IL17RD: variants seen among roughly 807,000 people sequenced by gnomAD.
IL17RD encodes the protein interleukin 17 receptor D.
IL17RD carries 52 observed loss-of-function variants against 80.5 expected under a neutral mutation model. The observed-to-expected ratio is 0.65, with a 90% confidence interval of 0.52 to 0.81. IL17RD has a LOEUF of 0.81. Among genes scored for constraint, IL17RD ranks in the 40% least tolerant of loss-of-function variants. The pLI, the probability that IL17RD is intolerant of heterozygous loss-of-function variation, is 0.00. For missense variants in IL17RD, 1,024 were observed against 955.1 expected, an observed-to-expected ratio of 1.07 and a Z score of -0.95; for synonymous variants, 416 against 391.8, an observed-to-expected ratio of 1.06 and a Z score of -0.73.
chr3:57,104,199 T>A (rs1226128685), intron 8 of IL17RD, 143 bp downstream of exon 8: 1 of 610,544 alleles, frequency 1.6e-6, no homozygotes, highest in Non-Finnish European at 2.9e-6. Context: ...TAAACTTTTT[T>A]TAAAAGCATG....
chr3:57,137,066 A>C (rs572827356), intron 1 of IL17RD, among the ~76,000 whole-genome samples: 1 of 152,300 alleles, frequency 6.6e-6, no homozygotes, highest in East Asian at 1.9e-4. Flanking sequence ...AAGGAAGTTT[A>C]TTTCAAGCAA....
intron 1 of IL17RD, among the ~76,000 whole-genome samples, chr3:57,121,987 G>A (rs1707349868): frequency 6.6e-6 from 1 of 152,218 alleles, no homozygotes. Flanking sequence ...TTAACATGGG[G>A]TTCATTATTT....
At chr3:57,126,936 C>A (rs755339234) in intron 1 of IL17RD, among the ~76,000 whole-genome samples, 4 of 151,288 alleles carry the variant, frequency 2.6e-5, no homozygotes, top group Non-Finnish European at 4.4e-5. Flanking sequence ...GTGATCCTAC[C>A]CTCTCAGCCT....
rs780546975 is a variant in IL17RD at position 57,109,573 on chromosome 3, C to T, written c.514G>A (p.Glu172Lys). The change falls in exon 5 of 13, where the codon GAA becomes AAA. Residue 172 changes from glutamate to lysine, a missense_variant. Transcript: ENST00000296318. ...KVVPFPSIKN[E>K]SNYHPFFFRT... ...AAGAAGAAAGGGTGGTAATTGCTTT[C>T]GTTTTTAATGGAAGGAAAAGGGACA... The T allele has an allele frequency of 3.1e-6, 5 of 1,613,620 alleles. No individual in the cohort carries two copies. The highest frequency in any genetic ancestry group is 3.3e-5 in the Admixed American group (2 of 59,974).
chr3:57,158,178 C>T (rs1031259378), intron 1 of IL17RD, among the ~76,000 whole-genome samples: 1 of 152,104 alleles, frequency 6.6e-6, no homozygotes, highest in African/African-American at 2.4e-5. Context: ...TTTTCTGGTA[C>T]GTTCAAGCAT....
intron 1 of IL17RD, chr3:57,134,588 C>A (rs906485984): frequency 3.4e-6 from 4 of 1,181,894 alleles, no homozygotes; most frequent in Non-Finnish European, 5.0e-6. Flanking sequence ...ACAAGGCCCA[C>A]AAGAAGCTGC....
intron 1 of IL17RD, among the ~76,000 whole-genome samples, chr3:57,136,641 C>CAAAAAAAA (rs59941543): frequency 4.2e-5 from 2 of 48,100 alleles, no homozygotes. Context: ...AACCCCCACT[C>CAAAAAAAA]AAAAAAAAAA....
upstream of IL17RD, chr3:57,165,406 G>T (rs989994126): frequency 7.3e-6 from 6 of 827,516 alleles, no homozygotes; most frequent in African/African-American, 1.8e-5. Context: ...CACTGGGCAT[G>T]CGTTGCCAGC....
chr3:57,145,808 T>C (rs915429277), intron 1 of IL17RD, among the ~76,000 whole-genome samples: 1 of 152,220 alleles, frequency 6.6e-6, no homozygotes, highest in Admixed American at 6.5e-5. Context: ...GACAGCCTTA[T>C]GGGTCACCTG....
At chr3:57,117,767 C>A (rs143464565) in intron 2 of IL17RD, among the ~76,000 whole-genome samples, 60 of 152,256 alleles carry the variant, frequency 3.9e-4, no homozygotes, top group Non-Finnish European at 7.2e-4. Context: ...TTCTACACAG[C>A]CTGGATCCAA....
At chr3:57,154,283 T>TATACACACACACAC (rs904157398) in intron 1 of IL17RD, among the ~76,000 whole-genome samples, 35 of 112,906 alleles carry the variant, frequency 3.1e-4, no homozygotes, top group African/African-American at 1.0e-3. Flanking sequence ...TATATATATA[T>TATACACACACACAC]ACACACACAC....
At chr3:57,119,178 C>A (rs937455710) in intron 2 of IL17RD, among the ~76,000 whole-genome samples, 50 of 152,142 alleles carry the variant, frequency 3.3e-4, no homozygotes, top group African/African-American at 1.1e-3. Flanking sequence ...CAGTGAAACC[C>A]CATCTCTACT....
intron 1 of IL17RD, among the ~76,000 whole-genome samples, chr3:57,151,659 T>C (rs1175951663): frequency 1.3e-5 from 2 of 152,156 alleles, no homozygotes; most frequent in Non-Finnish European, 2.9e-5. Flanking sequence ...GGCCAGGTAA[T>C]TTTTTGTCAT....
At chr3:57,120,174 A>G in intron 2 of IL17RD, 82 bp downstream of exon 2, 1 of 1,140,446 alleles carries the variant, frequency 8.8e-7, no homozygotes, top group East Asian at 2.4e-5. Context: ...CCAAGACTGC[A>G]GAGTCCTTGA....
chr3:57,103,219 T>A (rs1706877967), intron 8 of IL17RD, 74 bp from the exon 9 acceptor site: 5 of 1,294,422 alleles, frequency 3.9e-6, no homozygotes, highest in African/African-American at 1.5e-5. Context: ...AAATGGTAAT[T>A]TCATTCATCT....
At chr3:57,154,283 T>TATATATACACACACACAC (rs904157398) in intron 1 of IL17RD, among the ~76,000 whole-genome samples, 202 of 112,870 alleles carry the variant, frequency 1.8e-3, no homozygotes, top group African/African-American at 6.1e-3. Context: ...TATATATATA[T>TATATATACACACACACAC]ACACACACAC....
rs1176987579 is a variant in IL17RD, at chr3:57,092,214, G to A, written c.*4179C>T. 6.6e-6 allele frequency: 1 copy of A among 152,572 alleles called. No individual in the cohort carries two copies. The highest frequency in any genetic ancestry group is 1.5e-5 in the Non-Finnish European group (1 of 68,044). 9.5% of individuals were successfully genotyped at this position (152,572 alleles called of 1,614,324 possible). A position where few individuals can be genotyped will look rare whatever the true frequency, so the allele number is the denominator to read the frequency against. On this transcript the variant is annotated 3_prime_UTR_variant, in exon 13 of 13. Transcript: ENST00000296318. ...CTTTCCTAATCATGTCTTGGCCTATGCTCAGAATTGCACACCACCTGAAAA... is the reference window on the plus strand; with the variant it reads ...CTTTCCTAATCATGTCTTGGCCTATACTCAGAATTGCACACCACCTGAAAA...
chr3:57,114,879 T>C lies in IL17RD; in HGVS notation c.185-62A>G, dbSNP rs1176666972. 6 of 1,392,224 alleles carry C rather than the reference T, an allele frequency of 4.3e-6. No homozygotes were observed. In the East Asian group the frequency reaches 1.2e-4, roughly 28 times the overall value. The allele number at this position is 1,392,224 out of a possible 1,614,324, so 86.2% of individuals were successfully genotyped here. ...AATTTCATTTTTATTTTCAGGTTCATCTTATCAAAATAAACAGGGCATGTC... is the reference window on the plus strand; with the variant it reads ...AATTTCATTTTTATTTTCAGGTTCACCTTATCAAAATAAACAGGGCATGTC... On this transcript the variant is annotated intron_variant, in intron 2 of 12. Coordinates refer to ENST00000296318, the MANE Select transcript of IL17RD (RefSeq NM_017563.5).
Position 57,102,502 on chromosome 3 carries a change from A to T in IL17RD, c.956T>A (p.Val319Glu), listed in dbSNP as rs757450515. The change falls in exon 10 of 13, where the codon GTG (valine) becomes GAG (glutamate). Residue 319 changes from valine (V) to glutamate (E), a missense_variant. Val to Glu is a moderately radical substitution (Grantham distance 121). Transcript: ENST00000296318. ...VISAFATLFT[V>E]MCRKKQQENI... ...ACCTTGTTGCTTCTTGCGGCACATC[A>T]CAGTGAAGAGCGTCGCGAATGCCGA... The T allele has an allele frequency of 2.5e-6, 4 of 1,573,604 alleles. No individual in the cohort carries two copies. The South Asian group carries it at 4.6e-5, about 18-fold the overall frequency.
Sources: gnomAD v4.1 joint callset for allele counts (sites outside exome capture counted in the v4.1 genomes callset) on GRCh38, gnomAD v4.1.1 for gene constraint, MANE v1.5 for transcripts, NCBI Gene and HGNC (gene_info 2026-07-23, HGNC 2026-07-21) for gene names.